Variants in NPNT observed in about 807,000 individuals in gnomAD.
NPNT encodes preosteoblast EGF-like repeat protein with MAM domain.
Under a neutral mutation model 68.6 loss-of-function variants are expected in NPNT, and 45 were observed. The ratio of observed to expected loss-of-function variants is 0.66; its 90% confidence interval spans 0.52 to 0.84. The LOEUF (loss-of-function observed/expected upper bound fraction) is 0.84, where lower values mean the gene tolerates loss of function less well. Among genes scored for constraint, NPNT ranks in the 40% least tolerant of loss-of-function variants. NPNT has a pLI of 0.00. For synonymous variants in NPNT, 233 were observed against 253.3 expected, an observed-to-expected ratio of 0.92 and a Z score of 0.76; for missense variants, 672 against 714.8, an observed-to-expected ratio of 0.94 and a Z score of 0.68.
At chr4:105,953,940 T>C (rs1469046903) in intron 8 of NPNT, among the ~76,000 whole-genome samples, 1 of 152,326 alleles carries the variant, frequency 6.6e-6, no homozygotes, top group African/African-American at 2.4e-5. Context: ...ATAGTTACTC[T>C]TGGCAAGAAG....
At chr4:105,965,271 C>T (rs1164519029) in intron 10 of NPNT, among the ~76,000 whole-genome samples, 1 of 150,524 alleles carries the variant, frequency 6.6e-6, no homozygotes, top group Non-Finnish European at 1.5e-5. Context: ...TAATAGGTAA[C>T]TTGCTTGACA....
chr4:105,946,177 A>G (rs754181039), intron 8 of NPNT, among the ~76,000 whole-genome samples: 3 of 152,222 alleles, frequency 2.0e-5, no homozygotes, highest in Non-Finnish European at 4.4e-5. Flanking sequence ...AAGTATAAAC[A>G]AAGTACCATT....
At chr4:105,923,710 C>T (rs1406022930) in intron 2 of NPNT, among the ~76,000 whole-genome samples, 13 of 152,074 alleles carry the variant, frequency 8.5e-5, no homozygotes. Context: ...CTCTTCAGCC[C>T]CCTTCTTACA....
At chr4:105,932,910 G>T (rs1729227420) in intron 3 of NPNT, among the ~76,000 whole-genome samples, 1 of 152,154 alleles carries the variant, frequency 6.6e-6, no homozygotes, top group Non-Finnish European at 1.5e-5. Flanking sequence ...AATGCATCGA[G>T]TATCATTGCT....
At chr4:105,900,125 G>T (rs1471122868) in intron 2 of NPNT, among the ~76,000 whole-genome samples, 1 of 152,198 alleles carries the variant, frequency 6.6e-6, no homozygotes, top group Non-Finnish European at 1.5e-5. Context: ...TGTGAGAAAT[G>T]TTTTTGCCTT....
chr4:105,947,732 A>T (rs1248955202), intron 8 of NPNT, among the ~76,000 whole-genome samples: 1 of 152,006 alleles, frequency 6.6e-6, no homozygotes, highest in South Asian at 2.1e-4. Context: ...TTTTCAACCC[A>T]CTTAGCAATC....
At chr4:105,930,352 T>C (rs775677488) in intron 3 of NPNT, among the ~76,000 whole-genome samples, 6 of 152,240 alleles carry the variant, frequency 3.9e-5, no homozygotes, top group Non-Finnish European at 5.9e-5. Context: ...GTTCCACCAG[T>C]TCTTGGTACA....
intron 8 of NPNT, among the ~76,000 whole-genome samples, chr4:105,951,770 C>T (rs1355988832): frequency 6.6e-6 from 1 of 152,168 alleles, no homozygotes; most frequent in Non-Finnish European, 1.5e-5. Flanking sequence ...AAGAAAATAT[C>T]ATTCTCTCCA....
chr4:105,896,913 G>A (rs1725906355), intron 1 of NPNT, among the ~76,000 whole-genome samples: 1 of 152,196 alleles, frequency 6.6e-6, no homozygotes, highest in South Asian at 2.1e-4. Context: ...CGTGATAGCA[G>A]CCAGAGTGTA....
chr4:105,940,985 A>T (rs546453038), intron 7 of NPNT, among the ~76,000 whole-genome samples: 1 of 152,182 alleles, frequency 6.6e-6, no homozygotes, highest in East Asian at 1.9e-4. Flanking sequence ...ATGGTGGGAT[A>T]ATCTGGATAT....
chr4:105,895,802 G>C lies in NPNT; in HGVS notation c.71+79G>C, dbSNP rs1048082168. On this transcript the variant is annotated intron_variant, in intron 1 of 11. Transcript: ENST00000379987. ...ACTGTCTTGGGTCACTTTTCCCCGC[G>C]GGGTTTCGTGGTCAGAGAGGCGTCT... The C allele has an allele frequency of 1.3e-5, 17 of 1,281,720 alleles. No individual in the cohort carries two copies. In the African/African-American group the frequency reaches 2.1e-4, roughly 16 times the overall value. 79.4% of individuals were successfully genotyped at this position (1,281,720 alleles called of 1,614,324 possible). A position where few individuals can be genotyped will look rare whatever the true frequency, so the allele number is the denominator to read the frequency against.
chr4:105,932,257 T>C (rs1213025917), intron 3 of NPNT, among the ~76,000 whole-genome samples: 1 of 152,002 alleles, frequency 6.6e-6, no homozygotes, highest in Non-Finnish European at 1.5e-5. Context: ...TGGATTATAA[T>C]CAATATTTGT....
At chr4:105,918,196 G>C (rs1459805894) in intron 2 of NPNT, among the ~76,000 whole-genome samples, 1 of 152,064 alleles carries the variant, frequency 6.6e-6, no homozygotes. Context: ...AACACCTGAA[G>C]GTCAAAATGA....
At chr4:105,929,929 G>GA (rs1728982412) in intron 3 of NPNT, among the ~76,000 whole-genome samples, 2 of 151,776 alleles carry the variant, frequency 1.3e-5, no homozygotes, top group South Asian at 2.1e-4. Flanking sequence ...TTTCTCTAAA[G>GA]AAAAAATCGA....
intron 8 of NPNT, among the ~76,000 whole-genome samples, chr4:105,946,641 G>A (rs1461157447): frequency 6.6e-6 from 1 of 152,050 alleles, no homozygotes; most frequent in African/African-American, 2.4e-5. Flanking sequence ...ATTTCAAAAG[G>A]GTAGGGGGTA....
chr4:105,934,874 A>C (rs1244104379), intron 3 of NPNT, among the ~76,000 whole-genome samples: 1 of 152,166 alleles, frequency 6.6e-6, no homozygotes, highest in East Asian at 1.9e-4. Context: ...ATTTCGGTCG[A>C]AGCCATTCTC....
chr4:105,937,792 T>C (rs894364200), intron 4 of NPNT, among the ~76,000 whole-genome samples: 1 of 152,242 alleles, frequency 6.6e-6, no homozygotes, highest in South Asian at 2.1e-4. Flanking sequence ...ATTCATATGA[T>C]ATCTGACAAT....
Position 105,942,771 on chromosome 4 carries a change from C to T in NPNT, c.1159+69C>T, listed in dbSNP as rs143037747. On this transcript the variant is annotated intron_variant, in intron 8 of 11. Coordinates refer to ENST00000379987, the MANE Select transcript of NPNT (RefSeq NM_001033047.3). ...AATGACTTTTCAACCACAGGCCATG[C>T]CTTGAATAAGAATGAAACTCGTAAG... 2.9e-3 allele frequency: 4,094 copies of T among 1,415,824 alleles called. 204 individuals are homozygous for T. In the Admixed American group the frequency reaches 0.082, roughly 29 times the overall value. The allele number at this position is 1,415,824 out of a possible 1,614,324, so 87.7% of individuals were successfully genotyped here. A position where few individuals can be genotyped will look rare whatever the true frequency, so the allele number is the denominator to read the frequency against.
At chr4:105,930,774 C>T (rs752369114) in intron 3 of NPNT, among the ~76,000 whole-genome samples, 10 of 152,148 alleles carry the variant, frequency 6.6e-5, no homozygotes, top group Non-Finnish European at 1.2e-4. Context: ...ATGGTGTAAA[C>T]AGCTTGAATA....
Sources: allele counts gnomAD v4.1 joint callset (sites outside exome capture counted in the v4.1 genomes callset), GRCh38; gene constraint gnomAD v4.1.1; transcripts MANE v1.5; gene names NCBI Gene and HGNC (gene_info 2026-07-23, HGNC 2026-07-21).